PITPNM2: variants seen among roughly 807,000 people sequenced by gnomAD.
PITPNM2 encodes membrane-associated phosphatidylinositol transfer protein 2.
In PITPNM2, 35 loss-of-function variants were observed where a neutral mutation model predicts 132.2. The ratio of observed to expected loss-of-function variants is 0.26; its 90% confidence interval spans 0.20 to 0.35. The LOEUF (loss-of-function observed/expected upper bound fraction) is 0.35, where lower values mean the gene tolerates loss of function less well. PITPNM2 is among the 10% of genes least tolerant of loss of function. PITPNM2 has a pLI of 1.00. For missense variants in PITPNM2, 1,332 were observed against 1,912.0 expected (o/e 0.70, Z 5.66); for synonymous variants, 738 against 799.2 (o/e 0.92, Z 1.29).
intron 2 of PITPNM2, among the ~76,000 whole-genome samples, chr12:123,061,420 C>A (rs189044961): frequency 6.6e-6 from 1 of 152,264 alleles, no homozygotes; most frequent in Non-Finnish European, 1.5e-5. Flanking sequence ...GGTCTGCTGA[C>A]GTGCCTACAA....
intron 4 of PITPNM2, among the ~76,000 whole-genome samples, 162 bp downstream of exon 4, chr12:123,013,666 C>T (rs920796908): frequency 6.6e-6 from 1 of 152,234 alleles, no homozygotes; most frequent in African/African-American, 2.4e-5. Flanking sequence ...CCCTAGGTGA[C>T]CTTCGGGGCA....
intron 6 of PITPNM2, among the ~76,000 whole-genome samples, chr12:123,007,022 G>A (rs1300440225): frequency 1.3e-5 from 2 of 152,078 alleles, no homozygotes; most frequent in Non-Finnish European, 2.9e-5. Flanking sequence ...ACACACCATC[G>A]CCGGCGACAG....
intron 10 of PITPNM2, among the ~76,000 whole-genome samples, chr12:122,999,378 G>A (rs1166426237): frequency 6.6e-6 from 1 of 152,342 alleles, no homozygotes; most frequent in Middle Eastern, 3.4e-3. Flanking sequence ...GCCACCAGCT[G>A]CCCAGAACAC....
rs1279575186 is a variant in PITPNM2 at position 123,095,848 on chromosome 12, C to T, written c.-96+14537G>A. ...AGCACCCCACAGGATCTAAACCAAG[C>T]GTCAGCACCTGAGGCTCCCTTCATG... On this transcript the variant is annotated intron_variant, in intron 2 of 25. Transcript: ENST00000320201. This position sits in a 1 kb window ranked among gnomAD's most constrained non-coding sequence, Gnocchi z 5.0. 1.3e-5 allele frequency among the ~76,000 whole-genome samples: 2 copies of T among 152,244 alleles called. No individual in the cohort carries two copies. Among genetic ancestry groups the T allele is most frequent in the East Asian group, 1.9e-4 (1 of 5,190 alleles).
At chr12:123,010,897 G>C (rs1328870976) in intron 5 of PITPNM2, among the ~76,000 whole-genome samples, 1 of 152,248 alleles carries the variant, frequency 6.6e-6, no homozygotes, top group Non-Finnish European at 1.5e-5. Flanking sequence ...CTTGCTCCAG[G>C]CTAGGCCTGA....
At chr12:123,016,248 C>T (rs997226653) in intron 3 of PITPNM2, among the ~76,000 whole-genome samples, 1 of 151,748 alleles carries the variant, frequency 6.6e-6, no homozygotes, top group Non-Finnish European at 1.5e-5. Context: ...ATTGCTTGAA[C>T]CCAGGAGGCA....
At chr12:123,017,225 T>C (rs1374961986) in intron 3 of PITPNM2, among the ~76,000 whole-genome samples, 1 of 150,742 alleles carries the variant, frequency 6.6e-6, no homozygotes, top group African/African-American at 2.4e-5. Context: ...ATACAAAAAT[T>C]AGTCGTGTGT....
At position 122,993,358 on chromosome 12, in the gene PITPNM2, T is replaced by C. The variant is rs1248428973; in HGVS notation, c.2234-689A>G. ...AAATGGGGCAGCAGTTCCAACCACG[T>C]CATGGAGTTAAGGAGATCACGTGAA... On this transcript the variant is annotated intron_variant, in intron 15 of 25. Transcript: ENST00000320201. This position sits in a 1 kb window ranked among gnomAD's most constrained non-coding sequence, Gnocchi z 5.2. Among the ~76,000 whole-genome samples the C allele has an allele frequency of 6.6e-6, 1 of 152,190 alleles. No individual in the cohort carries two copies. Among genetic ancestry groups the C allele is most frequent in the East Asian group, 1.9e-4 (1 of 5,202 alleles).
intron 1 of PITPNM2, among the ~76,000 whole-genome samples, chr12:123,143,658 A>C (rs755049122): frequency 1.3e-5 from 2 of 152,174 alleles, no homozygotes; most frequent in Non-Finnish European, 2.9e-5. Flanking sequence ...TCAGCTCCTA[A>C]GAAAGGCCAA....
chr12:122,995,641 G>A lies in PITPNM2; in HGVS notation c.1802C>T (p.Pro601Leu), dbSNP rs765877146. The A allele has an allele frequency of 1.4e-5, 23 of 1,598,272 alleles. No individual in the cohort carries two copies. The highest frequency in any genetic ancestry group is 1.7e-4 in the Middle Eastern group (1 of 6,042). Reference protein sequence around the residue: ...VSMQDNDLLSPGILMNAAHCC... With the variant: ...VSMQDNDLLSLGILMNAAHCC... Reference sequence around the variant, plus strand: ...GTGTGCTGCATTCATCAGGATGCCCGGGGACAGCAGGTCATTGTCCTGGAA... The same window carrying A: ...GTGTGCTGCATTCATCAGGATGCCCAGGGACAGCAGGTCATTGTCCTGGAA... Residue 601 changes from proline (P) to leucine (L), a missense_variant, in exon 14 of 26, where the codon CCG (proline) becomes CTG (leucine). By Grantham distance (98) the Pro-to-Leu change is moderately conservative (BLOSUM62 -3). This residue lies in a region of PITPNM2 where 710 missense variants were observed against 911.5 expected (regional missense o/e 0.78). Coordinates refer to ENST00000320201, the MANE Select transcript of PITPNM2 (RefSeq NM_020845.3).
chr12:123,052,077 GTTTTTTTTTTT>G (rs10606016), intron 2 of PITPNM2, among the ~76,000 whole-genome samples: 1 of 100,618 alleles, frequency 9.9e-6, no homozygotes, highest in Non-Finnish European at 2.0e-5. Context: ...TAATTTTATT[GTTTTTTTTTTT>G]TTTTTTTTTT....
chr12:123,043,515 TC>T (rs2040560560), intron 2 of PITPNM2, among the ~76,000 whole-genome samples: 1 of 151,996 alleles, frequency 6.6e-6, no homozygotes, highest in South Asian at 2.1e-4. Flanking sequence ...TTACCCCAAA[TC>T]CCACAGAAAG....
intron 1 of PITPNM2, among the ~76,000 whole-genome samples, chr12:123,122,042 T>C (rs2043043840): frequency 6.6e-6 from 1 of 152,146 alleles, no homozygotes; most frequent in African/African-American, 2.4e-5. Context: ...CAACCATTTT[T>C]AAGTGCACAA....
intron 2 of PITPNM2, among the ~76,000 whole-genome samples, chr12:123,060,328 G>A (rs1167949030): frequency 7.2e-5 from 11 of 152,240 alleles, no homozygotes; most frequent in Admixed American, 2.0e-4. Flanking sequence ...ACCCTCACCC[G>A]TGAGGACCCA....
intron 3 of PITPNM2, among the ~76,000 whole-genome samples, chr12:123,032,477 AAAACAAAC>A (rs112632714): frequency 2.1e-4 from 31 of 150,698 alleles, no homozygotes; most frequent in Admixed American, 7.3e-4. Context: ...CTCCATCTCA[AAAACAAAC>A]AAACAAACAA....
rs1459659579 is a variant in PITPNM2, at chr12:123,036,674, C to T, written c.-95-1989G>A. Reference sequence around the variant, plus strand: ...ATAAGATAACCCTGGATCCCAGACCCCAACTGCCCCTTGGAGGTCTCTGAC... The same window carrying T: ...ATAAGATAACCCTGGATCCCAGACCTCAACTGCCCCTTGGAGGTCTCTGAC... On this transcript the variant is annotated intron_variant, in intron 2 of 25. Transcript: ENST00000320201. The surrounding 1 kb of genome is among the most constrained non-coding windows in gnomAD (Gnocchi z 4.1). Among the ~76,000 whole-genome samples, 1 of 152,236 alleles carries T rather than the reference C, an allele frequency of 6.6e-6. No homozygotes were observed. Among genetic ancestry groups the T allele is most frequent in the African/African-American group, 2.4e-5 (1 of 41,454 alleles).
rs776272061 is a variant in PITPNM2, at chr12:123,000,837, G to C, written c.1165C>G (p.Arg389Gly). 67 of 1,613,968 alleles carry C rather than the reference G, an allele frequency of 4.2e-5. No homozygotes were observed. The highest frequency in any genetic ancestry group is 5.6e-5 in the Non-Finnish European group (66 of 1,180,056). ...ACCCTGAACTCAGGGGCACCCTGGC[G>C]GTACAGACCATCTGCAAAGACACAG... ...EPEDTQDGLY[R>G]QGAPEFRVAS... The change falls in exon 10 of 26, where the codon CGC (arginine) becomes GGC (glycine). Residue 389 changes from arginine (R) to glycine (G), a missense_variant. Around this residue, in one of 6 missense-constraint regions of PITPNM2, gnomAD observed 710 missense variants for 911.5 expected, o/e 0.78. Transcript: ENST00000320201. The surrounding 1 kb of genome is among the most constrained non-coding windows in gnomAD (Gnocchi z 5.4).
At chr12:123,007,013 C>G (rs1803018284) in intron 6 of PITPNM2, among the ~76,000 whole-genome samples, 2 of 152,154 alleles carry the variant, frequency 1.3e-5, no homozygotes, top group African/African-American at 4.8e-5. Context: ...AGCGAAGAAA[C>G]ACACCATCGC....
In PITPNM2 at chr12:123,136,919, C is replaced by G. The variant is rs559863945; in HGVS notation, c.-200+13834G>C. ...AAAAAAATAATAATAATAATTAAGC[C>G]CCCTTAATTGGTGAATATGGAAATG... On this transcript the variant is annotated intron_variant, in intron 1 of 25. Coordinates refer to ENST00000320201, the MANE Select transcript of PITPNM2 (RefSeq NM_020845.3). Among the ~76,000 whole-genome samples the G allele has an allele frequency of 3.9e-5, 6 of 152,258 alleles. No homozygotes were observed. In the South Asian group the frequency reaches 1.2e-3, roughly 32 times the overall value.
Sources: gnomAD v4.1 joint callset for allele counts (sites outside exome capture counted in the v4.1 genomes callset) on GRCh38, gnomAD v4.1.1 for gene constraint, gnomAD v4.1.1 regional missense constraint, Gnocchi (gnomAD v3.1) non-coding constraint, MANE v1.5 for transcripts, NCBI Gene and HGNC (gene_info 2026-07-23, HGNC 2026-07-21) for gene names.